Variants in NEIL3 observed in about 807,000 individuals in gnomAD.
NEIL3 encodes nei like DNA glycosylase 3, also known as endonuclease 8-like 3.
NEIL3 carries 48 observed loss-of-function variants against 57.5 expected under a neutral mutation model. The ratio of observed to expected loss-of-function variants is 0.83; its 90% CI spans 0.66 to 1.06. The LOEUF (loss-of-function observed/expected upper bound fraction) is 1.06. Ranked by LOEUF, NEIL3 falls within the 50% of genes least tolerant of loss-of-function variation. The pLI is 0.00. For synonymous variants in NEIL3, 261 were observed against 253.2 expected (o/e 1.03, Z -0.29); for missense variants, 717 against 739.1 (o/e 0.97, Z 0.35).
At chr4:177,317,973 G>A (rs1734606812) in intron 1 of NEIL3, among the ~76,000 whole-genome samples, 1 of 152,112 alleles carries the variant, frequency 6.6e-6, no homozygotes, top group African/African-American at 2.4e-5. Flanking sequence ...AACCTTTGAT[G>A]CCTTGAGGCA....
chr4:177,317,099 T>C (rs17064612), intron 1 of NEIL3, among the ~76,000 whole-genome samples: 3,954 of 152,336 alleles, frequency 0.026, 115 homozygotes, highest in African/African-American at 0.066. Flanking sequence ...TGTTTTTCTA[T>C]AAGTTAATAT....
intron 6 of NEIL3, among the ~76,000 whole-genome samples, chr4:177,345,539 A>T (rs1489760604): frequency 1.3e-5 from 2 of 151,888 alleles, no homozygotes; most frequent in African/African-American, 2.4e-5. Context: ...TTACATATGT[A>T]TACATGAGAT....
chr4:177,338,762 C>T (rs1212327969), intron 4 of NEIL3, among the ~76,000 whole-genome samples: 1 of 152,180 alleles, frequency 6.6e-6, no homozygotes, highest in Non-Finnish European at 1.5e-5. Flanking sequence ...TATAGAAATG[C>T]ATATCTTTTC....
intron 2 of NEIL3, among the ~76,000 whole-genome samples, chr4:177,324,820 A>G: frequency 6.6e-6 from 1 of 152,270 alleles, no homozygotes; most frequent in African/African-American, 2.4e-5. Flanking sequence ...TTGGATGCAT[A>G]CAATGCCACA....
chr4:177,364,625 A>G (rs1735668327), downstream of NEIL3, among the ~76,000 whole-genome samples: 1 of 152,058 alleles, frequency 6.6e-6, no homozygotes, highest in African/African-American at 2.4e-5. Flanking sequence ...ACACGGAGCA[A>G]CCTAAGATAA....
downstream of NEIL3, among the ~76,000 whole-genome samples, chr4:177,364,900 C>G (rs1306423125): frequency 6.6e-6 from 1 of 151,046 alleles, no homozygotes. Flanking sequence ...TGCACTCCAG[C>G]CTGGTGACAG....
chr4:177,317,197 T>C (rs1734590432), intron 1 of NEIL3, among the ~76,000 whole-genome samples: 1 of 152,226 alleles, frequency 6.6e-6, no homozygotes, highest in South Asian at 2.1e-4. Context: ...TTTTTCAACA[T>C]TGGTAATTTC....
chr4:177,350,782 A>G (rs17064674), intron 6 of NEIL3, among the ~76,000 whole-genome samples: 5,366 of 152,238 alleles, frequency 0.035, 293 homozygotes, highest in African/African-American at 0.12. Context: ...TTTGAGAAAT[A>G]CTTCCTAATG....
At chr4:177,350,328 A>G (rs1056820541) in intron 6 of NEIL3, among the ~76,000 whole-genome samples, 1 of 152,222 alleles carries the variant, frequency 6.6e-6, no homozygotes, top group Non-Finnish European at 1.5e-5. Context: ...GACATGCTCT[A>G]TATCCAGACC....
At chr4:177,345,824 G>A (rs1279866237) in intron 6 of NEIL3, among the ~76,000 whole-genome samples, 3 of 151,138 alleles carry the variant, frequency 2.0e-5, no homozygotes, top group Admixed American at 2.0e-4. Context: ...CAGGTAGCTG[G>A]AATCACAGGT....
chr4:177,328,447 G>A (rs1181343977), intron 2 of NEIL3, among the ~76,000 whole-genome samples: 1 of 152,074 alleles, frequency 6.6e-6, no homozygotes, highest in African/African-American at 2.4e-5. Flanking sequence ...TGGAAGCAGA[G>A]AAAAAGAAAC....
chr4:177,342,815 C>A (rs1735124391), intron 6 of NEIL3, among the ~76,000 whole-genome samples: 1 of 152,162 alleles, frequency 6.6e-6, no homozygotes, highest in African/African-American at 2.4e-5. Flanking sequence ...AGAATACTGG[C>A]CAACCCCAAC....
chr4:177,318,398 T>A (rs768921897), intron 1 of NEIL3, among the ~76,000 whole-genome samples: 8 of 152,182 alleles, frequency 5.3e-5, no homozygotes, highest in Non-Finnish European at 1.2e-4. Context: ...ATTATTTCTG[T>A]AAGTATTTTG....
chr4:177,343,896 C>T lies in NEIL3; in HGVS notation c.869+2254C>T, dbSNP rs368379607. ...TATTTGACCAAGTAACTAGATACTG[C>T]GTTGAACACAGTAGCTGGCAGATAG... On this transcript the variant is annotated intron_variant, in intron 6 of 9. Coordinates refer to ENST00000264596, the MANE Select transcript of NEIL3 (RefSeq NM_018248.3). Among the ~76,000 whole-genome samples the T allele has an allele frequency of 9.4e-4, 143 of 151,822 alleles. 2 individuals are homozygous for T. The highest frequency in any genetic ancestry group is 7.7e-4 in the East Asian group (4 of 5,172).
intron 2 of NEIL3, among the ~76,000 whole-genome samples, chr4:177,330,496 G>A (rs1432412777): frequency 6.6e-6 from 1 of 151,878 alleles, no homozygotes; most frequent in African/African-American, 2.4e-5. Context: ...GATAAGAACA[G>A]AAATCAATGG....
At chr4:177,327,322 C>A (rs1488855665) in intron 2 of NEIL3, among the ~76,000 whole-genome samples, 1 of 152,128 alleles carries the variant, frequency 6.6e-6, no homozygotes, top group African/African-American at 2.4e-5. Context: ...TAGTTCTAGT[C>A]GCTTTTTCTT....
intron 1 of NEIL3, among the ~76,000 whole-genome samples, chr4:177,317,353 A>G (rs1053958592): frequency 6.6e-6 from 1 of 152,340 alleles, no homozygotes; most frequent in East Asian, 1.9e-4. Context: ...AGCTAGGACA[A>G]CATATTTCAA....
intron 4 of NEIL3, among the ~76,000 whole-genome samples, chr4:177,339,139 T>G (rs1735035532): frequency 6.6e-6 from 1 of 152,218 alleles, no homozygotes; most frequent in African/African-American, 2.4e-5. Flanking sequence ...CCATTGAAAA[T>G]CTATATACAA....
intron 6 of NEIL3, among the ~76,000 whole-genome samples, chr4:177,346,637 A>G (rs1417046102): frequency 6.6e-6 from 1 of 152,174 alleles, no homozygotes; most frequent in African/African-American, 2.4e-5. Flanking sequence ...ATTCCCAGTG[A>G]TGGCGAATAC....
Sources: gnomAD v4.1 joint callset for allele counts (sites outside exome capture counted in the v4.1 genomes callset) on GRCh38, gnomAD v4.1.1 for gene constraint, MANE v1.5 for transcripts, NCBI Gene and HGNC (gene_info 2026-07-23, HGNC 2026-07-21) for gene names.